The following IKZF1 variants were observed in gnomAD, a reference collection of about 807,000 sequenced individuals.
IKZF1 encodes the protein DNA-binding protein Ikaros.
A neutral mutation model predicts 51.7 loss-of-function variants in IKZF1; 10 were observed. The observed-to-expected ratio is 0.19, with a 90% CI of 0.12 to 0.33. The LOEUF (loss-of-function observed/expected upper bound fraction) is 0.33, where lower values mean the gene tolerates loss of function less well. Among genes scored for constraint, IKZF1 ranks in the 10% least tolerant of loss-of-function variants. The pLI is 1.00. For synonymous variants in IKZF1, 280 were observed against 282.3 expected (o/e 0.99, Z 0.08); for missense variants, 484 against 707.5 (o/e 0.68, Z 3.58).
rs1375738626 is a variant in IKZF1, at chr7:50,402,506, C to T, written c.*1879C>T. ...AGGAGAAATCACTCCTGGGGGAGAA[C>T]CACTGACCCAAATGAATTCTAAACC... On this transcript the variant is annotated 3_prime_UTR_variant, in exon 8 of 8. Coordinates refer to ENST00000331340, the MANE Select transcript of IKZF1 (RefSeq NM_006060.6). 4.3e-6 allele frequency: 1 copy of T among 231,896 alleles called. No homozygotes were observed. The highest frequency in any genetic ancestry group is 2.2e-5 in the African/African-American group (1 of 45,368). 14.4% of individuals were successfully genotyped at this position (231,896 alleles called of 1,614,324 possible).
chr7:50,402,555 C>CAA lies in IKZF1; in HGVS notation c.*1929_*1930dup. ...CCAATCAAATGTCTGGGAAGCCCTC[C>CAA]AAGAAAAAAAATAGAAAAGCACTTG... is the stretch of plus-strand genomic sequence containing the variant. On this transcript the variant is annotated 3_prime_UTR_variant, in exon 8 of 8. Transcript: ENST00000331340. 4.3e-6 allele frequency: 1 copy of CAA among 230,620 alleles called. No individual in the cohort carries two copies. The allele number at this position is 230,620 out of a possible 1,614,324, so 14.3% of individuals were successfully genotyped here.
intron 1 of IKZF1, among the ~76,000 whole-genome samples, chr7:50,305,982 A>G (rs552216155): frequency 2.2e-4 from 34 of 152,306 alleles, no homozygotes; most frequent in South Asian, 1.5e-3. Context: ...TGTTTGTTCA[A>G]TGAGTTTTAT....
chr7:50,391,527 G>C (rs1346167900), intron 6 of IKZF1, among the ~76,000 whole-genome samples: 2 of 152,238 alleles, frequency 1.3e-5, no homozygotes, highest in Admixed American at 6.5e-5. Flanking sequence ...GTTGGAGGAA[G>C]AAGCATTTGC....
chr7:50,347,675 A>C (rs1340450766), intron 3 of IKZF1, among the ~76,000 whole-genome samples: 32 of 152,136 alleles, frequency 2.1e-4, no homozygotes, highest in Admixed American at 2.1e-3. Context: ...TCGTGAGTGG[A>C]AATATCACTT....
chr7:50,365,940 G>T (rs1472903815), intron 3 of IKZF1, among the ~76,000 whole-genome samples: 1 of 152,194 alleles, frequency 6.6e-6, no homozygotes, highest in Non-Finnish European at 1.5e-5. Flanking sequence ...ATACTATGCA[G>T]CCATAAGAAA....
At chr7:50,395,925 T>G (rs1816587195) in intron 7 of IKZF1, among the ~76,000 whole-genome samples, 1 of 152,256 alleles carries the variant, frequency 6.6e-6, no homozygotes, top group South Asian at 2.1e-4. Context: ...TGTTGAATGT[T>G]GCTGTGGAAA....
chr7:50,325,072 A>G lies in IKZF1; in HGVS notation c.41-2566A>G, dbSNP rs1794523426. On this transcript the variant is annotated intron_variant, in intron 2 of 7. Coordinates refer to ENST00000331340, the MANE Select transcript of IKZF1 (RefSeq NM_006060.6). ...GCCCTGTACATGTTTACTCATTGGGATAGCATGTCAGGCCAGAAGGCTCCA... is the reference window on the plus strand; with the variant it reads ...GCCCTGTACATGTTTACTCATTGGGGTAGCATGTCAGGCCAGAAGGCTCCA... 2.0e-5 allele frequency among the ~76,000 whole-genome samples: 3 copies of G among 152,104 alleles called. No homozygotes were observed. The South Asian group carries it at 6.2e-4, about 31-fold the overall frequency.
At chr7:50,355,951 T>C (rs573571430) in intron 3 of IKZF1, among the ~76,000 whole-genome samples, 2 of 152,348 alleles carry the variant, frequency 1.3e-5, no homozygotes, top group South Asian at 4.1e-4. Context: ...CCACGCTCCT[T>C]CAGTGGGGAT....
chr7:50,331,066 A>G (rs1796347126), intron 3 of IKZF1, among the ~76,000 whole-genome samples: 1 of 152,196 alleles, frequency 6.6e-6, no homozygotes, highest in Non-Finnish European at 1.5e-5. Context: ...GATGGAACAT[A>G]TATAGACATA....
intron 3 of IKZF1, among the ~76,000 whole-genome samples, chr7:50,336,115 G>A (rs938030592): frequency 2.0e-5 from 3 of 152,176 alleles, no homozygotes; most frequent in Non-Finnish European, 4.4e-5. Flanking sequence ...CCTACAAAAA[G>A]CTTACAGTTC....
intron 3 of IKZF1, among the ~76,000 whole-genome samples, chr7:50,375,551 T>C (rs1809989048): frequency 6.6e-6 from 1 of 152,170 alleles, no homozygotes; most frequent in African/African-American, 2.4e-5. Flanking sequence ...CATCAGTCAG[T>C]GTTTCTGAAG....
chr7:50,352,616 A>T (rs1802142769), intron 3 of IKZF1, among the ~76,000 whole-genome samples: 1 of 152,194 alleles, frequency 6.6e-6, no homozygotes, highest in Non-Finnish European at 1.5e-5. Flanking sequence ...GATTCTGTTG[A>T]TCTTAAAGTT....
chr7:50,356,603 G>C (rs564986001), intron 3 of IKZF1, among the ~76,000 whole-genome samples: 3 of 152,200 alleles, frequency 2.0e-5, no homozygotes, highest in African/African-American at 7.2e-5. Flanking sequence ...GTGTGCGCAC[G>C]CACTCTGCTA....
intron 3 of IKZF1, among the ~76,000 whole-genome samples, chr7:50,373,447 A>T (rs1235604548): frequency 6.6e-6 from 1 of 152,176 alleles, no homozygotes; most frequent in African/African-American, 2.4e-5. Flanking sequence ...TTGCCTCTGA[A>T]TTTATGAAGT....
intron 7 of IKZF1, among the ~76,000 whole-genome samples, chr7:50,398,593 T>C (rs987922694): frequency 1.3e-5 from 2 of 152,224 alleles, no homozygotes; most frequent in African/African-American, 2.4e-5. Flanking sequence ...GAAGGAATTA[T>C]CCATGCAATC....
At chr7:50,396,558 G>A (rs996751383) in intron 7 of IKZF1, among the ~76,000 whole-genome samples, 2 of 152,182 alleles carry the variant, frequency 1.3e-5, no homozygotes, top group African/African-American at 2.4e-5. Context: ...TATGGTCTGT[G>A]TTTTACTTCC....
intron 6 of IKZF1, chr7:50,388,636 T>C (rs935817050): frequency 1.3e-5 from 2 of 152,136 alleles, no homozygotes; most frequent in Non-Finnish European, 2.9e-5. Context: ...AAATCTCAGG[T>C]CTAGAATGGA....
chr7:50,360,346 T>A (rs1804833801), intron 3 of IKZF1, among the ~76,000 whole-genome samples: 1 of 152,052 alleles, frequency 6.6e-6, no homozygotes, highest in Non-Finnish European at 1.5e-5. Flanking sequence ...AGAGTTCTCT[T>A]CAGTTGATCG....
At chr7:50,311,578 A>T (rs1436469098) in intron 1 of IKZF1, among the ~76,000 whole-genome samples, 1 of 152,258 alleles carries the variant, frequency 6.6e-6, no homozygotes, top group African/African-American at 2.4e-5. Context: ...ACTAAATAAA[A>T]TATAGCTTTT....
Sources: allele counts gnomAD v4.1 joint callset (sites outside exome capture counted in the v4.1 genomes callset), GRCh38; gene constraint gnomAD v4.1.1; transcripts MANE v1.5; gene names NCBI Gene and HGNC (gene_info 2026-07-23, HGNC 2026-07-21).